Variants in UTRN observed in about 807,000 individuals in gnomAD.
The protein encoded by UTRN is utrophin, also known as dystrophin-related protein 1.
Under a neutral mutation model 463.9 loss-of-function variants are expected in UTRN, and 283 were observed. The ratio of observed to expected loss-of-function variants is 0.61; its 90% CI spans 0.55 to 0.67. The LOEUF (loss-of-function observed/expected upper bound fraction) is 0.67, where lower values mean the gene tolerates loss of function less well. Ranked by LOEUF, UTRN falls within the 30% of genes least tolerant of loss-of-function variation. UTRN has a pLI of 0.00. For synonymous variants in UTRN, 1,442 were observed against 1,431.5 expected (o/e 1.01, Z -0.17); for missense variants, 3,922 against 4,084.3 (o/e 0.96, Z 1.08).
chr6:144,836,080 G>C, intron 70 of UTRN, 142 bp downstream of exon 70: 1 of 1,418,294 alleles, frequency 7.1e-7, no homozygotes, highest in South Asian at 1.4e-5. Flanking sequence ...TAACAAACTG[G>C]GATGCTGGCT....
intron 2 of UTRN, among the ~76,000 whole-genome samples, chr6:144,360,038 TTCCCTTCC>T (rs1778911284): frequency 2.1e-5 from 1 of 47,142 alleles, no homozygotes; most frequent in Admixed American, 1.9e-4. Flanking sequence ...CTTTTTTCCC[TTCCCTTCC>T]CTTCCCTTCC....
chr6:144,673,264 C>T (rs1390140271), intron 51 of UTRN, among the ~76,000 whole-genome samples: 1 of 152,090 alleles, frequency 6.6e-6, no homozygotes, highest in Non-Finnish European at 1.5e-5. Context: ...CTAGTGCTGT[C>T]AGTGGAATAT....
chr6:144,779,471 A>C (rs1396680160), intron 60 of UTRN, among the ~76,000 whole-genome samples: 1 of 152,220 alleles, frequency 6.6e-6, no homozygotes, highest in Non-Finnish European at 1.5e-5. Context: ...AGAGAAAAGA[A>C]AATTTTAAGA....
At chr6:144,487,113 T>G (rs1792534910) in intron 28 of UTRN, among the ~76,000 whole-genome samples, 1 of 152,160 alleles carries the variant, frequency 6.6e-6, no homozygotes, top group African/African-American at 2.4e-5. Context: ...GCCTTTGAAC[T>G]TTGTGTCATG....
rs771753686 is a variant in UTRN, at chr6:144,754,753, G to A, written c.8389G>A (p.Glu2797Lys). The A allele has an allele frequency of 2.5e-6, 4 of 1,613,430 alleles. No homozygotes were observed. In the South Asian group the frequency reaches 3.3e-5, roughly 13 times the overall value. Residue 2797 changes from glutamate (E) to lysine (K), a missense_variant, in exon 57 of 75, where the codon GAA becomes AAA. Physicochemically the swap from Glu to Lys is moderately conservative, Grantham distance 56. Around this residue, in one of 3 missense-constraint regions of UTRN, gnomAD observed 1,309 missense variants for 1,452.6 expected, o/e 0.90. Coordinates refer to ENST00000367545, the MANE Select transcript of UTRN (RefSeq NM_007124.3). ...GGATGATCGCCTTAAACAGCTTCAG[G>A]AAGCCCACAGAGATTTTGGACCATC... ...SVDDRLKQLQ[E>K]AHRDFGPSSQ...
rs777524827 is a variant in UTRN, at chr6:144,516,827, C to T, written c.5420C>T (p.Ala1807Val). ...DEDEKMDEES[A>V]QIEEVLQRGE... ...AAAATTTAGATGGATGAGGAGAGTG[C>T]CCAGATTGAGGAAGTTCTACAAAGA... Residue 1807 changes from alanine to valine, a missense_variant, in exon 39 of 75, where the codon GCC becomes GTC. Around this residue, in one of 3 missense-constraint regions of UTRN, gnomAD observed 2,349 missense variants for 2,303.8 expected, o/e 1.02. Coordinates refer to ENST00000367545, the MANE Select transcript of UTRN (RefSeq NM_007124.3). The T allele has an allele frequency of 2.7e-6, 4 of 1,483,072 alleles. No homozygotes were observed. Among genetic ancestry groups the T allele is most frequent in the Admixed American group, 2.5e-5 (1 of 40,368 alleles). 91.9% of individuals were successfully genotyped at this position (1,483,072 alleles called of 1,614,324 possible).
chr6:144,620,514 A>G (rs902069946), intron 51 of UTRN, among the ~76,000 whole-genome samples: 2 of 152,142 alleles, frequency 1.3e-5, no homozygotes, highest in Admixed American at 1.3e-4. Context: ...GGAGATGTTA[A>G]ATTTCTGCCA....
chr6:144,846,358 C>A (rs1376446072), intron 73 of UTRN, among the ~76,000 whole-genome samples: 1 of 152,142 alleles, frequency 6.6e-6, no homozygotes, highest in Admixed American at 6.5e-5. Context: ...TTTTCCTGGG[C>A]GTTAGGGTCC....
At chr6:144,663,245 A>C (rs1780051739) in intron 51 of UTRN, among the ~76,000 whole-genome samples, 1 of 152,120 alleles carries the variant, frequency 6.6e-6, no homozygotes, top group African/African-American at 2.4e-5. Flanking sequence ...GCCTGCCAGC[A>C]AGCAGGTCCT....
intron 53 of UTRN, 63 bp downstream of exon 53, chr6:144,700,306 A>G: frequency 2.7e-6 from 4 of 1,496,510 alleles, no homozygotes; most frequent in South Asian, 2.8e-5. Flanking sequence ...TATTTGAAAT[A>G]CAATTATAGA....
intron 61 of UTRN, among the ~76,000 whole-genome samples, chr6:144,787,311 T>C (rs1004491277): frequency 6.6e-5 from 10 of 152,176 alleles, no homozygotes; most frequent in African/African-American, 2.2e-4. Flanking sequence ...TGGCTGTCTG[T>C]AGGGTTAATG....
At chr6:144,744,857 T>C (rs1312155173) in intron 54 of UTRN, among the ~76,000 whole-genome samples, 1 of 152,174 alleles carries the variant, frequency 6.6e-6, no homozygotes, top group Non-Finnish European at 1.5e-5. Flanking sequence ...GTGCTCTGTG[T>C]TGACACAAGA....
intron 59 of UTRN, 106 bp from the exon 60 acceptor site, chr6:144,774,184 C>A: frequency 9.0e-7 from 1 of 1,114,398 alleles, no homozygotes; most frequent in Non-Finnish European, 1.3e-6. Context: ...TTATTTCAGG[C>A]AAACATAATA....
At chr6:144,416,603 G>C (rs750914273) in intron 3 of UTRN, among the ~76,000 whole-genome samples, 16 of 152,188 alleles carry the variant, frequency 1.1e-4, no homozygotes, top group Non-Finnish European at 2.1e-4. Context: ...CATGAGTGCT[G>C]GTCTCACTTG....
chr6:144,458,811 G>A lies in UTRN; in HGVS notation c.2326G>A (p.Val776Ile), dbSNP rs368716622. ...AGAAATAAAAAATGTTCTGGAGAAG[G>A]TTTCATCAGAATGGAAGAATGTATC... ...TEEIKNVLEK[V>I]SSEWKNVSQH... The change falls in exon 20 of 75, where the codon GTT (valine) becomes ATT (isoleucine). Residue 776 changes from valine (V) to isoleucine (I), a missense_variant. Transcript: ENST00000367545. 13 of 1,608,248 alleles carry A rather than the reference G, an allele frequency of 8.1e-6. No homozygotes were observed. The highest frequency in any genetic ancestry group is 1.1e-5 in the Non-Finnish European group (13 of 1,178,664).
At chr6:144,355,741 C>T (rs1778494624) in intron 2 of UTRN, among the ~76,000 whole-genome samples, 1 of 151,976 alleles carries the variant, frequency 6.6e-6, no homozygotes, top group African/African-American at 2.4e-5. Context: ...CAGTTTTCCC[C>T]ACTGTTAACA....
intron 52 of UTRN, among the ~76,000 whole-genome samples, chr6:144,696,004 A>G (rs1414121406): frequency 1.3e-5 from 2 of 152,224 alleles, no homozygotes; most frequent in Admixed American, 6.5e-5. Flanking sequence ...TAATGAAAAC[A>G]GAGTTCAAAG....
At chr6:144,435,849 C>G (rs751577154) in intron 9 of UTRN, 86 bp from the exon 10 acceptor site, 33 of 1,447,724 alleles carry the variant, frequency 2.3e-5, no homozygotes, top group Non-Finnish European at 3.1e-5. Context: ...GTGGTGGGTA[C>G]TTTGGGTTCG....
chr6:144,590,843 TACACACACAC>T (rs10531216), intron 51 of UTRN, among the ~76,000 whole-genome samples: 65 of 146,014 alleles, frequency 4.5e-4, no homozygotes, highest in African/African-American at 1.3e-3. Context: ...TCTCTCAATC[TACACACACAC>T]ACACACACAC....
Sources: gnomAD v4.1 joint callset for allele counts (sites outside exome capture counted in the v4.1 genomes callset) on GRCh38, gnomAD v4.1.1 for gene constraint, gnomAD v4.1.1 regional missense constraint, MANE v1.5 for transcripts, NCBI Gene and HGNC (gene_info 2026-07-23, HGNC 2026-07-21) for gene names.